SUPT3H: variants seen among roughly 807,000 people sequenced by gnomAD.
SUPT3H encodes the protein transcription initiation protein SPT3 homolog.
Under a neutral mutation model 44.3 loss-of-function variants are expected in SUPT3H, and 44 were observed. The observed-to-expected ratio is 0.99, with a 90% CI of 0.78 to 1.28. The LOEUF is 1.28. SUPT3H is among the 50% of genes most tolerant of loss of function. The pLI, the probability that SUPT3H is intolerant of heterozygous loss-of-function variation, is 0.00. For synonymous variants in SUPT3H, 124 were observed against 125.6 expected (o/e 0.99, Z 0.09); for missense variants, 380 against 387.1 (o/e 0.98, Z 0.15).
At chr6:44,899,028 G>T (rs897427976) in intron 10 of SUPT3H, 2 of 152,160 alleles carry the variant, frequency 1.3e-5, no homozygotes, top group African/African-American at 4.8e-5. Flanking sequence ...TCATGAATTA[G>T]AAAGGGTAGA....
At chr6:45,051,022 C>CT (rs1047780587) in intron 3 of SUPT3H, among the ~76,000 whole-genome samples, 81 of 151,636 alleles carry the variant, frequency 5.3e-4, no homozygotes, top group African/African-American at 1.8e-3. Context: ...GTAGCTGGGA[C>CT]TACAGGGGCC....
chr6:45,284,505 A>G (rs1488193622), intron 2 of SUPT3H, among the ~76,000 whole-genome samples: 3 of 152,240 alleles, frequency 2.0e-5, no homozygotes, highest in Admixed American at 2.0e-4. Flanking sequence ...AGAAATGGAT[A>G]AATTCCTTAA....
intron 2 of SUPT3H, among the ~76,000 whole-genome samples, chr6:45,338,040 A>G (rs2150118984): frequency 6.6e-6 from 1 of 152,144 alleles, no homozygotes; most frequent in African/African-American, 2.4e-5. Flanking sequence ...ACTTAAACTT[A>G]CAGAATTTAG....
At position 45,176,481 on chromosome 6, in the gene SUPT3H, G is replaced by T. The variant is rs569292026; in HGVS notation, c.102-70475C>A. Among the ~76,000 whole-genome samples the T allele has an allele frequency of 6.6e-5, 10 of 152,226 alleles. No homozygotes were observed. In the South Asian group the frequency reaches 1.7e-3, roughly 25 times the overall value. On this transcript the variant is annotated intron_variant, in intron 2 of 10. Coordinates refer to ENST00000371459, the MANE Select transcript of SUPT3H (RefSeq NM_003599.4). ...GCAGTCTGAGATCAAACTGCAAGGC[G>T]GCAGCGAGGCTGGGGGAGGGGCGCC...
intron 2 of SUPT3H, among the ~76,000 whole-genome samples, chr6:45,267,672 G>C (rs1207961866): frequency 2.6e-5 from 4 of 152,152 alleles, no homozygotes; most frequent in Non-Finnish European, 4.4e-5. Flanking sequence ...GCACTTAGCA[G>C]AGTTACTTCT....
intron 2 of SUPT3H, among the ~76,000 whole-genome samples, chr6:45,169,413 A>T (rs1810423273): frequency 6.6e-6 from 1 of 152,238 alleles, no homozygotes; most frequent in South Asian, 2.1e-4. Flanking sequence ...GCTCCCAGAC[A>T]AAATAATCAT....
At chr6:45,081,647 C>G (rs1276129300) in intron 3 of SUPT3H, among the ~76,000 whole-genome samples, 18 of 152,090 alleles carry the variant, frequency 1.2e-4, no homozygotes, top group Admixed American at 1.2e-3. Flanking sequence ...TCCAATCTAA[C>G]TCTACGTCTT....
At chr6:45,270,801 T>C (rs1170986162) in intron 2 of SUPT3H, among the ~76,000 whole-genome samples, 1 of 152,022 alleles carries the variant, frequency 6.6e-6, no homozygotes, top group African/African-American at 2.4e-5. Context: ...GACAGGAAAA[T>C]GTAGGAAAGC....
At chr6:44,995,146 T>A (rs1781106578) in intron 6 of SUPT3H, among the ~76,000 whole-genome samples, 2 of 141,396 alleles carry the variant, frequency 1.4e-5, no homozygotes, top group African/African-American at 4.9e-5. Context: ...ACTCAAACTA[T>A]AGCTGAATAA....
At chr6:45,375,239 GT>G (rs1431323089) in intron 1 of SUPT3H, among the ~76,000 whole-genome samples, 2 of 152,124 alleles carry the variant, frequency 1.3e-5, no homozygotes, top group Non-Finnish European at 2.9e-5. Flanking sequence ...ATATTGCAAT[GT>G]GGTTAATCAT....
intron 2 of SUPT3H, among the ~76,000 whole-genome samples, chr6:45,284,978 C>T (rs1413792843): frequency 6.6e-6 from 1 of 151,988 alleles, no homozygotes; most frequent in African/African-American, 2.4e-5. Flanking sequence ...ATAAACAGAA[C>T]CAAAGACAAA....
At chr6:45,130,130 T>A (rs902511833) in intron 2 of SUPT3H, among the ~76,000 whole-genome samples, 1 of 152,168 alleles carries the variant, frequency 6.6e-6, no homozygotes, top group Non-Finnish European at 1.5e-5. Flanking sequence ...TTTTGAAATA[T>A]TTCATCAACC....
intron 2 of SUPT3H, among the ~76,000 whole-genome samples, chr6:45,134,189 G>A (rs780058805): frequency 1.3e-5 from 2 of 152,080 alleles, no homozygotes; most frequent in Non-Finnish European, 2.9e-5. Flanking sequence ...AAGGTGAAAG[G>A]GCAAGAGAGT....
At chr6:45,375,233 T>C (rs1376981403) in intron 1 of SUPT3H, among the ~76,000 whole-genome samples, 1 of 152,130 alleles carries the variant, frequency 6.6e-6, no homozygotes, top group Non-Finnish European at 1.5e-5. Context: ...TTTCTGATAT[T>C]GCAATGTGGT....
rs941740875 is a variant in SUPT3H at position 44,829,832 on chromosome 6, G to A, written c.938C>T (p.Ala313Val). The A allele has an allele frequency of 6.2e-7, 1 of 1,613,128 alleles. No individual in the cohort carries two copies. The stretch of plus-strand genomic sequence containing the variant: ...GTTGTCACATCAGCAGGCTAGAAAA[G>A]CCATCCCATTCCTGCGGTAGGCATT... ...FTNAYRRNGM[A>V]FLAC The change falls in exon 11 of 11, where the codon GCT becomes GTT. Residue 313 changes from alanine to valine, a missense_variant. Coordinates refer to ENST00000371459, the MANE Select transcript of SUPT3H (RefSeq NM_003599.4).
At chr6:45,142,718 A>G (rs998565176) in intron 2 of SUPT3H, among the ~76,000 whole-genome samples, 2 of 140,050 alleles carry the variant, frequency 1.4e-5, no homozygotes, top group African/African-American at 5.4e-5. Flanking sequence ...CCTGGGCAAG[A>G]AGAGCTAAAC....
At chr6:45,228,609 T>C (rs1345016136) in intron 2 of SUPT3H, among the ~76,000 whole-genome samples, 1 of 152,126 alleles carries the variant, frequency 6.6e-6, no homozygotes, top group African/African-American at 2.4e-5. Flanking sequence ...ACACACACTA[T>C]TGGTTTTCTC....
intron 2 of SUPT3H, among the ~76,000 whole-genome samples, chr6:45,181,722 G>C (rs1226277103): frequency 1.6e-5 from 2 of 124,030 alleles, no homozygotes; most frequent in African/African-American, 2.9e-5. Context: ...GTTGTGGGGT[G>C]GGGGGAGGGG....
chr6:45,189,988 C>G (rs1190868652), intron 2 of SUPT3H, among the ~76,000 whole-genome samples: 1 of 152,152 alleles, frequency 6.6e-6, no homozygotes, highest in East Asian at 1.9e-4. Context: ...GAATGTCCCA[C>G]TGCATGCAGA....
Sources: gnomAD v4.1 joint callset for allele counts (sites outside exome capture counted in the v4.1 genomes callset) on GRCh38, gnomAD v4.1.1 for gene constraint, MANE v1.5 for transcripts, NCBI Gene and HGNC (gene_info 2026-07-23, HGNC 2026-07-21) for gene names.